Variants in TENM3 observed in about 807,000 individuals in gnomAD.
TENM3 encodes teneurin-3.
A neutral mutation model predicts 255.1 loss-of-function variants in TENM3; 63 were observed. The observed-to-expected ratio is 0.25, with a 90% CI of 0.20 to 0.30. The LOEUF (loss-of-function observed/expected upper bound fraction) is 0.30, where lower values mean the gene tolerates loss of function less well. TENM3 is among the 10% of genes least tolerant of loss of function. The pLI, the probability that TENM3 is intolerant of heterozygous loss-of-function variation, is 1.00. For missense variants in TENM3, 2,929 were observed against 3,461.1 expected (o/e 0.85, Z 3.86); for synonymous variants, 1,306 against 1,322.3 (o/e 0.99, Z 0.27).
the TENM3 span, among the ~76,000 whole-genome samples, chr4:181,675,189 T>C: frequency 2.0e-5 from 3 of 152,148 alleles, no homozygotes; most frequent in Non-Finnish European, 2.9e-5. Flanking sequence ...GAATGCCCTT[T>C]TGAAATTATA....
At chr4:181,814,822 A>G in the TENM3 span, among the ~76,000 whole-genome samples, 21 of 152,284 alleles carry the variant, frequency 1.4e-4, no homozygotes, top group African/African-American at 4.3e-4. Flanking sequence ...GAGCAGAAGC[A>G]GAAGAGAGGG....
chr4:181,522,648 G>T, the TENM3 span: 1 of 590,994 alleles, frequency 1.7e-6, no homozygotes, highest in East Asian at 3.3e-5. Context: ...TGTAGCCATA[G>T]TTTTCAGAAC....
chr4:182,093,042 A>G, the TENM3 span, among the ~76,000 whole-genome samples: 1 of 152,098 alleles, frequency 6.6e-6, no homozygotes, highest in Non-Finnish European at 1.5e-5. Flanking sequence ...TGATCTCTTA[A>G]TGTCACTTGA....
At chr4:182,151,637 A>T (rs75576785) in intron 1 of TENM3, among the ~76,000 whole-genome samples, 6,416 of 152,170 alleles carry the variant, frequency 0.042, 182 homozygotes, top group Non-Finnish European at 0.061. Context: ...TTGAAGAATA[A>T]ATCTATGACT....
At chr4:182,486,915 A>C (rs1183792324) in intron 3 of TENM3, among the ~76,000 whole-genome samples, 1 of 152,200 alleles carries the variant, frequency 6.6e-6, no homozygotes, top group East Asian at 1.9e-4. Context: ...CTAAGCTAGA[A>C]AGACATCCAG....
At chr4:181,936,501 C>CA in the TENM3 span, among the ~76,000 whole-genome samples, 1 of 152,168 alleles carries the variant, frequency 6.6e-6, no homozygotes, top group South Asian at 2.1e-4. Flanking sequence ...CTACCCTTCA[C>CA]ACTCTTTCAA....
At chr4:181,604,209 G>A in the TENM3 span, among the ~76,000 whole-genome samples, 4 of 152,146 alleles carry the variant, frequency 2.6e-5, no homozygotes, top group Non-Finnish European at 4.4e-5. Context: ...AGCTTGCAGT[G>A]AGCCGAGATC....
chr4:181,823,493 A>G, the TENM3 span, among the ~76,000 whole-genome samples: 3 of 152,172 alleles, frequency 2.0e-5, no homozygotes, highest in Non-Finnish European at 4.4e-5. Flanking sequence ...TCAATCAGAA[A>G]TTTGCTTTTT....
At chr4:182,505,738 G>C (rs1446974579) in intron 3 of TENM3, among the ~76,000 whole-genome samples, 1 of 152,100 alleles carries the variant, frequency 6.6e-6, no homozygotes, top group African/African-American at 2.4e-5. Context: ...TTACAGGCGT[G>C]AGCCACCACA....
chr4:182,665,292 A>G (rs112034517), intron 6 of TENM3, among the ~76,000 whole-genome samples: 4 of 152,322 alleles, frequency 2.6e-5, no homozygotes, highest in African/African-American at 9.6e-5. Flanking sequence ...TCTGTTTACA[A>G]CGTGGCTACT....
At chr4:182,233,636 G>A (rs147019118) in intron 1 of TENM3, among the ~76,000 whole-genome samples, 33 of 152,304 alleles carry the variant, frequency 2.2e-4, no homozygotes, top group African/African-American at 6.5e-4. Flanking sequence ...TTTTCTTGCT[G>A]TATATTTGAC....
At chr4:182,673,701 A>G (rs929382934) in intron 7 of TENM3, among the ~76,000 whole-genome samples, 5 of 152,210 alleles carry the variant, frequency 3.3e-5, no homozygotes, top group Non-Finnish European at 5.9e-5. Context: ...AGCTTTATCA[A>G]CTCAGGCGCC....
At chr4:182,327,790 T>C (rs1347670450) in intron 2 of TENM3, among the ~76,000 whole-genome samples, 1 of 152,238 alleles carries the variant, frequency 6.6e-6, no homozygotes, top group African/African-American at 2.4e-5. Flanking sequence ...TGCTATTTTC[T>C]TTTATTAATC....
At chr4:181,837,591 A>G in the TENM3 span, among the ~76,000 whole-genome samples, 1 of 152,216 alleles carries the variant, frequency 6.6e-6, no homozygotes, top group Non-Finnish European at 1.5e-5. Context: ...AACAGGTTTC[A>G]GCAAGGGACC....
intron 3 of TENM3, among the ~76,000 whole-genome samples, chr4:182,435,366 C>G (rs527504853): frequency 6.6e-6 from 1 of 152,240 alleles, no homozygotes; most frequent in Admixed American, 6.5e-5. Flanking sequence ...TGTGACTTGA[C>G]TTGTGAGTTG....
the TENM3 span, among the ~76,000 whole-genome samples, chr4:181,466,650 A>G: frequency 3.3e-5 from 5 of 152,166 alleles, no homozygotes; most frequent in Non-Finnish European, 5.9e-5. Context: ...TCCATATTAG[A>G]AAAACAAGCC....
the TENM3 span, among the ~76,000 whole-genome samples, chr4:181,447,630 C>T: frequency 6.6e-6 from 1 of 152,176 alleles, no homozygotes; most frequent in Non-Finnish European, 1.5e-5. Flanking sequence ...GCTGCTTCCT[C>T]GGAAGAGCAC....
At chr4:181,753,288 T>G in the TENM3 span, among the ~76,000 whole-genome samples, 1 of 152,090 alleles carries the variant, frequency 6.6e-6, no homozygotes, top group African/African-American at 2.4e-5. Context: ...TCAGACACTG[T>G]CAAAGCATAA....
At chr4:182,323,806 A>G (rs1447492312) in intron 1 of TENM3, 140 bp from the exon 2 acceptor site, 7 of 579,344 alleles carry the variant, frequency 1.2e-5, no homozygotes, top group Non-Finnish European at 2.2e-5. Flanking sequence ...GATTTCAGAA[A>G]TACTAATTTC....
Sources: allele counts gnomAD v4.1 joint callset (sites outside exome capture counted in the v4.1 genomes callset), GRCh38; gene constraint gnomAD v4.1.1; transcripts MANE v1.5; gene names NCBI Gene and HGNC (gene_info 2026-07-23, HGNC 2026-07-21).